AFAP1L2: variants seen among roughly 807,000 people sequenced by gnomAD.
AFAP1L2 encodes actin filament-associated protein 1-like 2.
AFAP1L2 carries 46 observed loss-of-function variants against 99.3 expected under a neutral mutation model. The ratio of observed to expected loss-of-function variants is 0.46; its 90% CI spans 0.37 to 0.59. The LOEUF (loss-of-function observed/expected upper bound fraction) is 0.59, where lower values mean the gene tolerates loss of function less well. AFAP1L2 is among the 20% of genes least tolerant of loss of function. AFAP1L2 has a pLI of 0.00. For synonymous variants in AFAP1L2, 397 were observed against 419.1 expected, an observed-to-expected ratio of 0.95 and a Z score of 0.64; for missense variants, 959 against 1,034.9, an observed-to-expected ratio of 0.93 and a Z score of 1.01.
At chr10:114,395,273 G>A (rs891758273) in intron 1 of AFAP1L2, among the ~76,000 whole-genome samples, 1 of 152,238 alleles carries the variant, frequency 6.6e-6, no homozygotes, top group African/African-American at 2.4e-5. Context: ...AAGGGCGGTA[G>A]GGTGTTGACC....
At chr10:114,367,806 AGCCGCTGATGGCTATGGGAAGGC>A (rs1186955727) in intron 1 of AFAP1L2, among the ~76,000 whole-genome samples, 1 of 152,250 alleles carries the variant, frequency 6.6e-6, no homozygotes, top group African/African-American at 2.4e-5. Flanking sequence ...CATCAACAGC[AGCCGCTGATGGCTATGGGAAGGC>A]GCACACAAAT....
intron 4 of AFAP1L2, among the ~76,000 whole-genome samples, chr10:114,324,410 C>G (rs11817292): frequency 1.6e-4 from 20 of 128,522 alleles, no homozygotes; most frequent in South Asian, 7.9e-4. Context: ...CCCCCCCCCC[C>G]CCGGCTAATT....
intron 8 of AFAP1L2, among the ~76,000 whole-genome samples, chr10:114,309,639 T>C (rs959798311): frequency 2.6e-5 from 4 of 152,082 alleles, no homozygotes; most frequent in South Asian, 2.1e-4. Context: ...GAAAGCACCA[T>C]GCAAATGAGG....
At chr10:114,350,337 C>T (rs2050272982) in intron 1 of AFAP1L2, among the ~76,000 whole-genome samples, 1 of 152,216 alleles carries the variant, frequency 6.6e-6, no homozygotes, top group Admixed American at 6.5e-5. Flanking sequence ...TTATTGTTCT[C>T]TGTTGTCCCA....
chr10:114,364,439 GT>G, intron 1 of AFAP1L2, among the ~76,000 whole-genome samples: 1 of 152,296 alleles, frequency 6.6e-6, no homozygotes, highest in Non-Finnish European at 1.5e-5. Flanking sequence ...GGTCCCTGGA[GT>G]TTGCTGGTCA....
At chr10:114,315,511 T>TTC (rs2134753443) in intron 6 of AFAP1L2, 49 bp downstream of exon 6, 1 of 1,465,196 alleles carries the variant, frequency 6.8e-7, no homozygotes, top group Non-Finnish European at 9.1e-7. Flanking sequence ...TCCCTGCCCC[T>TTC]TCCCCAAGGA....
intron 1 of AFAP1L2, among the ~76,000 whole-genome samples, chr10:114,355,601 A>G (rs2051243179): frequency 1.3e-5 from 2 of 152,190 alleles, no homozygotes; most frequent in African/African-American, 2.4e-5. Flanking sequence ...CTGCTCTAAA[A>G]ATAAAGTCTT....
chr10:114,310,014 G>A (rs1475675067), intron 8 of AFAP1L2, among the ~76,000 whole-genome samples: 3 of 152,100 alleles, frequency 2.0e-5, no homozygotes, highest in South Asian at 2.1e-4. Context: ...TGCAACCTCC[G>A]CCTCCTGGGT....
At chr10:114,288,163 G>A in the AFAP1L2 span, among the ~76,000 whole-genome samples, 1 of 152,184 alleles carries the variant, frequency 6.6e-6, no homozygotes, top group South Asian at 2.1e-4. Flanking sequence ...CACAGGAGAG[G>A]CCTTCTGGCT....
Position 114,300,560 on chromosome 10 carries a change from G to C in AFAP1L2, c.1673C>G (p.Ser558Cys), listed in dbSNP as rs954213321. ...GTCCAGGCAGGACAACGTCGGGGAG[G>C]AGGCCTGGGCCTGTGCACTGCTGGG... The part of the protein sequence containing the change: ...HGPSSAQAQA[S>C]SPTLSCLDNA... Residue 558 changes from serine to cysteine, a missense_variant, in exon 14 of 19, where the codon TCC becomes TGC. By Grantham distance (112) the Ser-to-Cys change is moderately radical. Transcript: ENST00000304129. 6.2e-7 allele frequency: 1 copy of C among 1,614,076 alleles called. No individual in the cohort carries two copies. The highest frequency in any genetic ancestry group is 1.3e-5 in the African/African-American group (1 of 74,930).
At chr10:114,320,623 G>C (rs1185172949) in intron 5 of AFAP1L2, among the ~76,000 whole-genome samples, 1 of 152,212 alleles carries the variant, frequency 6.6e-6, no homozygotes, top group Admixed American at 6.5e-5. Flanking sequence ...ACTCCACACA[G>C]TGAGTTCAAG....
At chr10:114,388,141 C>A (rs1446539816) in intron 1 of AFAP1L2, among the ~76,000 whole-genome samples, 1 of 152,130 alleles carries the variant, frequency 6.6e-6, no homozygotes, top group Non-Finnish European at 1.5e-5. Flanking sequence ...CGGTGACTTA[C>A]CCATTTGGAA....
intron 1 of AFAP1L2, among the ~76,000 whole-genome samples, chr10:114,394,087 C>T (rs757883035): frequency 2.6e-5 from 4 of 152,140 alleles, no homozygotes; most frequent in African/African-American, 7.2e-5. Flanking sequence ...AAAGAGAGTA[C>T]GTGTGCCCTT....
At chr10:114,380,110 C>T (rs778604133) in intron 1 of AFAP1L2, among the ~76,000 whole-genome samples, 8 of 152,204 alleles carry the variant, frequency 5.3e-5, no homozygotes, top group Non-Finnish European at 1.2e-4. Context: ...GGCAATTTAG[C>T]ACTGGGTGAT....
At chr10:114,319,424 G>A (rs983308194) in intron 5 of AFAP1L2, 9 of 570,342 alleles carry the variant, frequency 1.6e-5, no homozygotes, top group South Asian at 3.7e-5. Context: ...CTGGAAGATC[G>A]CACGTGGCAT....
At chr10:114,345,200 C>CGGAG (rs559649724) in intron 1 of AFAP1L2, among the ~76,000 whole-genome samples, 18 of 144,962 alleles carry the variant, frequency 1.2e-4, no homozygotes, top group Admixed American at 2.7e-4. Flanking sequence ...CTCTGTGTAT[C>CGGAG]GGGGGAACAT....
chr10:114,296,961 T>C lies in AFAP1L2; in HGVS notation c.2430+17A>G. On this transcript the variant is annotated intron_variant, in intron 18 of 18. Coordinates refer to ENST00000304129, the MANE Select transcript of AFAP1L2 (RefSeq NM_001001936.3). Reference sequence around the variant, plus strand: ...CATTTCTGCTGGCCCCAAGGGAGGCTGGGAGTGACTGCTTACCTTGGCTTT... The same window carrying C: ...CATTTCTGCTGGCCCCAAGGGAGGCCGGGAGTGACTGCTTACCTTGGCTTT... 6.2e-7 allele frequency: 1 copy of C among 1,614,018 alleles called. No homozygotes were observed. The highest frequency in any genetic ancestry group is 8.5e-7 in the Non-Finnish European group (1 of 1,179,988).
At position 114,295,989 on chromosome 10, in the gene AFAP1L2, G is replaced by T; in HGVS notation, c.*53C>A. 1.2e-6 allele frequency: 2 copies of T among 1,613,816 alleles called. No individual in the cohort carries two copies. Among genetic ancestry groups the T allele is most frequent in the South Asian group, 1.1e-5 (1 of 91,032 alleles). ...CATAGTTTTTGCTTTAACAAAGCAGGATTGTCACCAAGGTCCACATTGACA... is the reference window on the plus strand; with the variant it reads ...CATAGTTTTTGCTTTAACAAAGCAGTATTGTCACCAAGGTCCACATTGACA... On this transcript the variant is annotated 3_prime_UTR_variant, in exon 19 of 19. Transcript: ENST00000304129.
intron 4 of AFAP1L2, among the ~76,000 whole-genome samples, chr10:114,328,217 C>A (rs1464729835): frequency 6.6e-6 from 1 of 152,204 alleles, no homozygotes; most frequent in Admixed American, 6.5e-5. Context: ...CTGGACAGAC[C>A]TGCTCTCTAC....
Sources: gnomAD v4.1 joint callset for allele counts (sites outside exome capture counted in the v4.1 genomes callset) on GRCh38, gnomAD v4.1.1 for gene constraint, MANE v1.5 for transcripts, NCBI Gene and HGNC (gene_info 2026-07-23, HGNC 2026-07-21) for gene names.